DISC1: variants seen among roughly 807,000 people sequenced by gnomAD.
DISC1 encodes DISC1 scaffold protein.
Under a neutral mutation model 84.5 loss-of-function variants are expected in DISC1, and 57 were observed. That is an observed-to-expected ratio of 0.67 (90% CI 0.55 to 0.84). DISC1 has a LOEUF of 0.84. Among genes scored for constraint, DISC1 ranks in the 40% least tolerant of loss-of-function variants. DISC1 has a pLI of 0.00. For synonymous variants in DISC1, 411 were observed against 415.2 expected (o/e 0.99, Z 0.12); for missense variants, 1,000 against 1,057.8 (o/e 0.95, Z 0.76).
At chr1:231,803,114 G>C (rs548724012) in intron 8 of DISC1, among the ~76,000 whole-genome samples, 37 of 152,248 alleles carry the variant, frequency 2.4e-4, no homozygotes, top group African/African-American at 8.2e-4. Context: ...GGCAGGGACA[G>C]CTAGGGTGGC....
intron 9 of DISC1, among the ~76,000 whole-genome samples, chr1:231,887,919 C>T (rs1410486038): frequency 2.0e-5 from 3 of 152,092 alleles, no homozygotes; most frequent in South Asian, 4.1e-4. Context: ...AACACTATAC[C>T]GTTGTGAAAG....
At position 231,956,852 on chromosome 1, in the gene DISC1, C is replaced by T. The variant is rs374968326; in HGVS notation, c.1982-1976C>T. Among the ~76,000 whole-genome samples, 10 of 152,266 alleles carry T rather than the reference C, an allele frequency of 6.6e-5. No homozygotes were observed. The South Asian group carries it at 1.9e-3, about 28-fold the overall frequency. ...CCATCACCCAGGTTTTCAGCTTAAA[C>T]ACCTACACAGGGCCTCTCCATGTGG... On this transcript the variant is annotated intron_variant, in intron 9 of 12. Transcript: ENST00000439617.
chr1:231,891,450 G>A (rs1400042482), intron 9 of DISC1, among the ~76,000 whole-genome samples: 2 of 152,208 alleles, frequency 1.3e-5, no homozygotes, highest in African/African-American at 4.8e-5. Context: ...ACGTGAGGAA[G>A]CACCAGGGTG....
At chr1:231,654,812 A>T (rs563984121) in intron 1 of DISC1, among the ~76,000 whole-genome samples, 1 of 152,300 alleles carries the variant, frequency 6.6e-6, no homozygotes, top group East Asian at 1.9e-4. Context: ...AGATATTATT[A>T]CCAAGCTTGA....
At chr1:231,739,879 T>C (rs1431390882) in intron 3 of DISC1, among the ~76,000 whole-genome samples, 1 of 152,110 alleles carries the variant, frequency 6.6e-6, no homozygotes, top group Admixed American at 6.5e-5. Context: ...CCTTCCCCCA[T>C]TGAGGTGTGA....
intron 8 of DISC1, among the ~76,000 whole-genome samples, chr1:231,801,177 GTAT>G (rs1325515662): frequency 6.6e-6 from 1 of 152,078 alleles, no homozygotes; most frequent in Non-Finnish European, 1.5e-5. Flanking sequence ...GCAGTCACGC[GTAT>G]TATTTACAAC....
chr1:231,749,148 A>G (rs1339728353), intron 3 of DISC1, among the ~76,000 whole-genome samples: 1 of 151,294 alleles, frequency 6.6e-6, no homozygotes, highest in Non-Finnish European at 1.5e-5. Flanking sequence ...TTGCATCTTC[A>G]CTCCCCCACC....
intron 6 of DISC1, among the ~76,000 whole-genome samples, chr1:231,793,903 C>T (rs1187628375): frequency 2.6e-5 from 4 of 152,072 alleles, no homozygotes; most frequent in Non-Finnish European, 4.4e-5. Flanking sequence ...AGAATTTACC[C>T]CATATTTACT....
Position 231,954,594 on chromosome 1 carries a change from T to C in DISC1, c.1982-4234T>C, listed in dbSNP as rs867705066. ...GTAGCATTTCATTTTGTATTCAGCA[T>C]TTCTTTGAGCGCCCTCTTTGCTTCT... On this transcript the variant is annotated intron_variant, in intron 9 of 12. Coordinates refer to ENST00000439617, the MANE Select transcript of DISC1 (RefSeq NM_018662.3). This position sits in a 1 kb window ranked among gnomAD's most constrained non-coding sequence, Gnocchi z 4.8. 6.6e-6 allele frequency among the ~76,000 whole-genome samples: 1 copy of C among 152,152 alleles called. No individual in the cohort carries two copies. Among genetic ancestry groups the C allele is most frequent in the Admixed American group, 6.5e-5 (1 of 15,274 alleles).
chr1:231,755,974 T>C (rs747493443), intron 4 of DISC1, among the ~76,000 whole-genome samples: 14 of 152,258 alleles, frequency 9.2e-5, no homozygotes, highest in African/African-American at 1.4e-4. Context: ...TATTATGTTA[T>C]GCTCAATGGC....
chr1:232,016,743 G>A (rs1668522825), intron 11 of DISC1, among the ~76,000 whole-genome samples: 1 of 152,176 alleles, frequency 6.6e-6, no homozygotes, highest in South Asian at 2.1e-4. Context: ...TTCAAAACAA[G>A]CATGCAGATA....
At chr1:231,748,063 C>T (rs1376591398) in intron 3 of DISC1, among the ~76,000 whole-genome samples, 1 of 152,092 alleles carries the variant, frequency 6.6e-6, no homozygotes, top group Non-Finnish European at 1.5e-5. Flanking sequence ...AGAAATGCCA[C>T]TGGTTTTTGT....
chr1:231,981,978 TAGAA>T (rs1663672237), intron 10 of DISC1, among the ~76,000 whole-genome samples: 1 of 152,114 alleles, frequency 6.6e-6, no homozygotes, highest in Admixed American at 6.5e-5. Flanking sequence ...AGCAGTGTGT[TAGAA>T]AGACGGTTGG....
chr1:231,945,820 G>A (rs1657068400), intron 9 of DISC1, among the ~76,000 whole-genome samples: 1 of 152,148 alleles, frequency 6.6e-6, no homozygotes, highest in African/African-American at 2.4e-5. Context: ...TACCATCAGA[G>A]AATACTATAA....
At chr1:231,714,599 AAGAG>A (rs958729205) in intron 3 of DISC1, among the ~76,000 whole-genome samples, 12 of 136,966 alleles carry the variant, frequency 8.8e-5, no homozygotes, top group East Asian at 1.9e-4. Flanking sequence ...GAGAGACAGA[AAGAG>A]AGAAGAGAGA....
Position 231,773,691 on chromosome 1 carries a change from T to G in DISC1, c.1634+2621T>G, listed in dbSNP as rs543039350. On this transcript the variant is annotated intron_variant, in intron 6 of 12. Coordinates refer to ENST00000439617, the MANE Select transcript of DISC1 (RefSeq NM_018662.3). ...GAGCCACTGCGCCCAGCCAATTGGA[T>G]AGGTTCTTGAAAGGCATTTCAAAAG... Among the ~76,000 whole-genome samples, 67 of 152,250 alleles carry G rather than the reference T, an allele frequency of 4.4e-4. 2 individuals carry two copies. Among genetic ancestry groups the G allele is most frequent in the African/African-American group, 1.6e-3 (65 of 41,558 alleles).
chr1:231,813,115 G>A (rs1178475735), intron 8 of DISC1: 1 of 152,192 alleles, frequency 6.6e-6, no homozygotes, highest in Non-Finnish European at 1.5e-5. Flanking sequence ...CTTGCAGTGG[G>A]TTGCAAGGGA....
At chr1:231,747,775 A>AT (rs942373534) in intron 3 of DISC1, among the ~76,000 whole-genome samples, 3 of 150,916 alleles carry the variant, frequency 2.0e-5, no homozygotes, top group Admixed American at 1.3e-4. Context: ...AAACTTTAGG[A>AT]TTTTTTTTTC....
chr1:231,907,678 GGGTATATACCCAGTA>G (rs2088844719), intron 9 of DISC1, among the ~76,000 whole-genome samples: 1 of 152,090 alleles, frequency 6.6e-6, no homozygotes. Context: ...ATAATCCTTT[GGGTATATACCCAGTA>G]ATGGGATGGC....
Sources: allele counts gnomAD v4.1 joint callset (sites outside exome capture counted in the v4.1 genomes callset), GRCh38; gene constraint gnomAD v4.1.1; non-coding constraint Gnocchi (gnomAD v3.1); transcripts MANE v1.5; gene names NCBI Gene and HGNC (gene_info 2026-07-23, HGNC 2026-07-21).